SLC24A2: variants seen among roughly 807,000 people sequenced by gnomAD.
The protein encoded by SLC24A2 is sodium/potassium/calcium exchanger 2.
Under a neutral mutation model 62.0 loss-of-function variants are expected in SLC24A2, and 36 were observed. The observed-to-expected ratio is 0.58, with a 90% CI of 0.44 to 0.77. The LOEUF is 0.77. Among genes scored for constraint, SLC24A2 ranks in the 30% least tolerant of loss-of-function variants. SLC24A2 has a pLI of 0.00. For synonymous variants in SLC24A2, 358 were observed against 294.0 expected (o/e 1.22, Z -2.23); for missense variants, 846 against 817.9 (o/e 1.03, Z -0.42).
intron 5 of SLC24A2, among the ~76,000 whole-genome samples, chr9:19,585,574 T>C (rs1241291333): frequency 6.6e-6 from 1 of 152,224 alleles, no homozygotes; most frequent in Non-Finnish European, 1.5e-5. Flanking sequence ...CTCCTAGCCT[T>C]TCTTAGTGGA....
At chr9:19,570,214 C>T (rs186908582) in intron 7 of SLC24A2, among the ~76,000 whole-genome samples, 4 of 152,350 alleles carry the variant, frequency 2.6e-5, no homozygotes, top group African/African-American at 2.4e-5. Flanking sequence ...CCTTACTCCT[C>T]ACCTTGTATT....
At chr9:19,725,637 A>G (rs1310902873) in intron 2 of SLC24A2, among the ~76,000 whole-genome samples, 2 of 152,236 alleles carry the variant, frequency 1.3e-5, no homozygotes, top group African/African-American at 4.8e-5. Context: ...AATATGTGCA[A>G]GAATATAATG....
At chr9:20,147,841 T>C in the SLC24A2 span, among the ~76,000 whole-genome samples, 1 of 152,062 alleles carries the variant, frequency 6.6e-6, no homozygotes, top group Admixed American at 6.6e-5. Flanking sequence ...CTCATCCAAG[T>C]CAGTTAGTCT....
the SLC24A2 span, among the ~76,000 whole-genome samples, chr9:20,046,106 C>T: frequency 6.6e-6 from 1 of 152,210 alleles, no homozygotes; most frequent in Non-Finnish European, 1.5e-5. Flanking sequence ...GTGGTGTCCT[C>T]ATCTTGTTTC....
chr9:19,744,369 T>C (rs928807749), intron 2 of SLC24A2, among the ~76,000 whole-genome samples: 1 of 152,180 alleles, frequency 6.6e-6, no homozygotes, highest in African/African-American at 2.4e-5. Flanking sequence ...TCCTTGCTCA[T>C]GTTATGATCA....
At chr9:20,100,980 T>G in the SLC24A2 span, among the ~76,000 whole-genome samples, 1 of 152,198 alleles carries the variant, frequency 6.6e-6, no homozygotes, top group Admixed American at 6.5e-5. Flanking sequence ...CTTGTGCAAG[T>G]AGGCAAGGCT....
At chr9:20,042,595 T>C in the SLC24A2 span, among the ~76,000 whole-genome samples, 1 of 152,208 alleles carries the variant, frequency 6.6e-6, no homozygotes, top group African/African-American at 2.4e-5. Context: ...AAGGGACATG[T>C]TCATTTATCC....
intron 7 of SLC24A2, among the ~76,000 whole-genome samples, chr9:19,553,189 G>A (rs1834927395): frequency 6.6e-6 from 1 of 152,196 alleles, no homozygotes; most frequent in African/African-American, 2.4e-5. Context: ...CAGTTTGCAA[G>A]CTGGTTAGAG....
the SLC24A2 span, among the ~76,000 whole-genome samples, chr9:20,132,822 AT>A: frequency 1.3e-5 from 2 of 152,146 alleles, no homozygotes; most frequent in African/African-American, 4.8e-5. Flanking sequence ...GTTTTTAAAA[AT>A]CTCAAAAAAT....
chr9:19,970,373 G>T, the SLC24A2 span, among the ~76,000 whole-genome samples: 1 of 152,142 alleles, frequency 6.6e-6, no homozygotes, highest in African/African-American at 2.4e-5. Context: ...TCTCCCTCAA[G>T]AAATGGAAAT....
At chr9:19,582,520 G>A (rs549535017) in intron 5 of SLC24A2, among the ~76,000 whole-genome samples, 24 of 152,274 alleles carry the variant, frequency 1.6e-4, no homozygotes, top group African/African-American at 5.5e-4. Flanking sequence ...TGGCTTGGGA[G>A]AAGAAAGGAA....
At chr9:20,174,607 A>G in the SLC24A2 span, among the ~76,000 whole-genome samples, 1 of 152,126 alleles carries the variant, frequency 6.6e-6, no homozygotes, top group Non-Finnish European at 1.5e-5. Context: ...AAAATGCTCA[A>G]CATCACTAAT....
At chr9:19,762,368 C>G (rs538185689) in intron 2 of SLC24A2, among the ~76,000 whole-genome samples, 1 of 152,280 alleles carries the variant, frequency 6.6e-6, no homozygotes, top group East Asian at 1.9e-4. Context: ...GTGTTTTAGT[C>G]ATGAAGTCTT....
At chr9:19,800,532 T>C in the SLC24A2 span, among the ~76,000 whole-genome samples, 1 of 152,248 alleles carries the variant, frequency 6.6e-6, no homozygotes, top group East Asian at 1.9e-4. Flanking sequence ...AGCCATTTCT[T>C]GGGTTAATTG....
chr9:19,566,448 A>C (rs896647125), intron 7 of SLC24A2, among the ~76,000 whole-genome samples: 4 of 149,844 alleles, frequency 2.7e-5, no homozygotes, highest in African/African-American at 7.4e-5. Flanking sequence ...CAATCATTAA[A>C]AAGTCAGGAA....
At chr9:19,975,706 C>T in the SLC24A2 span, among the ~76,000 whole-genome samples, 19 of 151,932 alleles carry the variant, frequency 1.3e-4, no homozygotes, top group African/African-American at 4.6e-4. Flanking sequence ...CTGGTTCCAA[C>T]TTTTCATTTG....
chr9:20,125,758 T>C, the SLC24A2 span, among the ~76,000 whole-genome samples: 2 of 152,154 alleles, frequency 1.3e-5, no homozygotes, highest in African/African-American at 4.8e-5. Context: ...ACTGTGGAAA[T>C]TGGCAATTCC....
At chr9:20,177,071 C>T in the SLC24A2 span, among the ~76,000 whole-genome samples, 1 of 152,074 alleles carries the variant, frequency 6.6e-6, no homozygotes, top group Non-Finnish European at 1.5e-5. Flanking sequence ...GTTATTTTGA[C>T]CATAGGTCTC....
chr9:20,119,997 C>T, the SLC24A2 span, among the ~76,000 whole-genome samples: 2 of 152,246 alleles, frequency 1.3e-5, no homozygotes, highest in South Asian at 2.1e-4. Flanking sequence ...TCAAGAGCAT[C>T]GGCAGGGCTG....
Sources: allele counts gnomAD v4.1 joint callset (sites outside exome capture counted in the v4.1 genomes callset), GRCh38; gene constraint gnomAD v4.1.1; transcripts MANE v1.5; gene names NCBI Gene and HGNC (gene_info 2026-07-23, HGNC 2026-07-21).